Variants in MOB3B observed in about 807,000 individuals in gnomAD.
MOB3B encodes the protein MOB kinase activator-like 2B.
MOB3B carries 7 observed loss-of-function variants against 18.7 expected under a neutral mutation model. The ratio of observed to expected loss-of-function variants is 0.37; its 90% CI spans 0.21 to 0.70. The LOEUF (loss-of-function observed/expected upper bound fraction) is 0.70, where lower values mean the gene tolerates loss of function less well. Among genes scored for constraint, MOB3B ranks in the 30% least tolerant of loss-of-function variants. The pLI is 0.52. For missense variants in MOB3B, 253 were observed against 281.3 expected (o/e 0.90, Z 0.72); for synonymous variants, 111 against 99.9 (o/e 1.11, Z -0.66).
Position 27,401,162 on chromosome 9 carries a change from G to A in MOB3B, c.419-41926C>T, listed in dbSNP as rs896907688. Among the ~76,000 whole-genome samples, 6 of 152,122 alleles carry A rather than the reference G, an allele frequency of 3.9e-5. No individual in the cohort carries two copies. In the East Asian group the frequency reaches 5.8e-4, roughly 15 times the overall value. On this transcript the variant is annotated intron_variant, in intron 2 of 3. Transcript: ENST00000262244. ...TGCTCCTTTCCAGCATGGGCCACGC[G>A]GTCTGCCTTCTCTGCCTCACTCTAC...
chr9:27,425,392 A>AAACAT (rs1554648750), intron 2 of MOB3B, among the ~76,000 whole-genome samples: 2 of 151,372 alleles, frequency 1.3e-5, no homozygotes, highest in Non-Finnish European at 2.9e-5. Flanking sequence ...AAAAAAAACA[A>AAACAT]AACAACAACA....
intron 1 of MOB3B, among the ~76,000 whole-genome samples, chr9:27,518,777 A>G (rs1820279023): frequency 6.6e-6 from 1 of 152,202 alleles, no homozygotes; most frequent in African/African-American, 2.4e-5. Flanking sequence ...GTGGAGAGGA[A>G]TGGTCTTAGA....
chr9:27,401,030 C>T (rs949052271), intron 2 of MOB3B, among the ~76,000 whole-genome samples: 6 of 152,216 alleles, frequency 3.9e-5, no homozygotes, highest in African/African-American at 1.4e-4. Flanking sequence ...CCAGTTCAAG[C>T]TACGGAAGGC....
rs113382844 is a variant in MOB3B at position 27,458,523 on chromosome 9, T to G, written c.-198-2775A>C. On this transcript the variant is annotated intron_variant, in intron 1 of 3. Coordinates refer to ENST00000262244, the MANE Select transcript of MOB3B (RefSeq NM_024761.5). Reference sequence around the variant, plus strand: ...ATAACAAATTTGAAGATATGTTTTTTTTTTTTTTTTGAGACAGGAAGATCA... The same window carrying G: ...ATAACAAATTTGAAGATATGTTTTTGTTTTTTTTTTGAGACAGGAAGATCA... 6.6e-5 allele frequency among the ~76,000 whole-genome samples: 9 copies of G among 136,218 alleles called. No homozygotes were observed. The South Asian group carries it at 7.3e-4, about 11-fold the overall frequency. The allele number at this position is 136,218 out of a possible 152,430, so 89.4% of individuals were successfully genotyped here. A position where few individuals can be genotyped will look rare whatever the true frequency, so the allele number is the denominator to read the frequency against.
At chr9:27,367,407 CT>C in intron 2 of MOB3B, among the ~76,000 whole-genome samples, 1 of 152,288 alleles carries the variant, frequency 6.6e-6, no homozygotes, top group South Asian at 2.1e-4. Context: ...GGTAGTTTGG[CT>C]TTTACTTTCC....
At chr9:27,411,415 C>T (rs187940738) in intron 2 of MOB3B, among the ~76,000 whole-genome samples, 26 of 152,316 alleles carry the variant, frequency 1.7e-4, no homozygotes, top group Admixed American at 9.1e-4. Context: ...CTTGGGATTA[C>T]AGTGTGAAGA....
At chr9:27,428,911 A>G (rs1030563571) in intron 2 of MOB3B, among the ~76,000 whole-genome samples, 1 of 152,220 alleles carries the variant, frequency 6.6e-6, no homozygotes, top group African/African-American at 2.4e-5. Flanking sequence ...AGCCTGAATA[A>G]TGTCTAAGCT....
intron 3 of MOB3B, among the ~76,000 whole-genome samples, chr9:27,358,147 C>A (rs1289078257): frequency 6.6e-6 from 1 of 152,038 alleles, no homozygotes; most frequent in East Asian, 1.9e-4. Context: ...AAGAGGACAG[C>A]CTGGCCCTAG....
At chr9:27,396,088 A>G (rs776491896) in intron 2 of MOB3B, among the ~76,000 whole-genome samples, 5 of 152,144 alleles carry the variant, frequency 3.3e-5, no homozygotes, top group Non-Finnish European at 7.3e-5. Flanking sequence ...AAAATGCTCA[A>G]GAATAAATGA....
At chr9:27,503,743 G>A (rs1348399222) in intron 1 of MOB3B, among the ~76,000 whole-genome samples, 1 of 152,248 alleles carries the variant, frequency 6.6e-6, no homozygotes, top group Non-Finnish European at 1.5e-5. Flanking sequence ...GAGTGTTAGA[G>A]GCTGGCAGCT....
At chr9:27,524,888 G>A (rs2131510859) in intron 1 of MOB3B, 1 of 1,613,066 alleles carries the variant, frequency 6.2e-7, no homozygotes, top group Non-Finnish European at 8.5e-7. Flanking sequence ...GTGCCTGGGA[G>A]ATTGTCCGAG....
intron 1 of MOB3B, among the ~76,000 whole-genome samples, chr9:27,480,232 T>C (rs1819627600): frequency 6.6e-6 from 1 of 151,612 alleles, no homozygotes; most frequent in African/African-American, 2.4e-5. Flanking sequence ...TCACTGCAAC[T>C]GCAACCTCTG....
chr9:27,436,119 C>A (rs1305281638), intron 2 of MOB3B, among the ~76,000 whole-genome samples: 1 of 152,222 alleles, frequency 6.6e-6, no homozygotes, highest in East Asian at 1.9e-4. Context: ...TGCTGAGTCC[C>A]ATTTACCCTT....
intron 1 of MOB3B, among the ~76,000 whole-genome samples, chr9:27,513,715 C>G (rs1052124881): frequency 3.9e-5 from 6 of 152,224 alleles, no homozygotes; most frequent in African/African-American, 1.4e-4. Flanking sequence ...CCATCACCTC[C>G]CCGAGTTACC....
chr9:27,444,111 C>T (rs1390245727), intron 2 of MOB3B, among the ~76,000 whole-genome samples: 1 of 148,818 alleles, frequency 6.7e-6, no homozygotes, highest in African/African-American at 2.5e-5. Context: ...AACCCCTGTC[C>T]TCTGGGAAAA....
chr9:27,415,951 A>C (rs906426274), intron 2 of MOB3B, among the ~76,000 whole-genome samples: 5 of 152,172 alleles, frequency 3.3e-5, no homozygotes, highest in African/African-American at 1.2e-4. Context: ...ATATGATTAG[A>C]TTTGCTTTTC....
chr9:27,345,153 T>TC (rs1411330856), intron 3 of MOB3B, among the ~76,000 whole-genome samples: 1 of 151,980 alleles, frequency 6.6e-6, no homozygotes, highest in Non-Finnish European at 1.5e-5. Flanking sequence ...TGCATATGCC[T>TC]CCCCCAAGCC....
chr9:27,418,090 T>TC, intron 2 of MOB3B, among the ~76,000 whole-genome samples: 2 of 3,648 alleles, frequency 5.5e-4, no homozygotes, highest in South Asian at 0.015. Flanking sequence ...AGACTCCACC[T>TC]CAAAAAAAAA....
chr9:27,402,826 G>A (rs574952851), intron 2 of MOB3B, among the ~76,000 whole-genome samples: 83 of 152,340 alleles, frequency 5.4e-4, no homozygotes, highest in Non-Finnish European at 1.1e-3. Flanking sequence ...AAAATTTAGG[G>A]TTGTAATGTG....
Sources: gnomAD v4.1 joint callset for allele counts (sites outside exome capture counted in the v4.1 genomes callset) on GRCh38, gnomAD v4.1.1 for gene constraint, MANE v1.5 for transcripts, NCBI Gene and HGNC (gene_info 2026-07-23, HGNC 2026-07-21) for gene names.